Variants in ADCK2 observed in about 807,000 individuals in gnomAD.
ADCK2 encodes the protein aarF domain containing kinase 2, also known as uncharacterized aarF domain-containing protein kinase 2.
ADCK2 carries 37 observed loss-of-function variants against 52.3 expected under a neutral mutation model. The observed-to-expected ratio is 0.71, with a 90% CI of 0.54 to 0.93. The LOEUF (loss-of-function observed/expected upper bound fraction) is 0.93. ADCK2 is among the 40% of genes least tolerant of loss of function. The pLI is 0.00. For missense variants in ADCK2, 695 were observed against 798.7 expected, an observed-to-expected ratio of 0.87 and a Z score of 1.56; for synonymous variants, 321 against 349.2, an observed-to-expected ratio of 0.92 and a Z score of 0.90.
At chr7:140,685,689 C>T (rs1450708067) in intron 4 of ADCK2, among the ~76,000 whole-genome samples, 3 of 152,100 alleles carry the variant, frequency 2.0e-5, no homozygotes, top group Non-Finnish European at 2.9e-5. Context: ...GGTCTATGGC[C>T]TGGATTTACA....
In ADCK2 at chr7:140,679,329, G is replaced by A. The variant is rs150738481; in HGVS notation, c.1209+46G>A. ...TGGCCATACCTTTCACTTGCCACTC[G>A]CAGTGGGCCCGTCTCCAGCCCACAG... is the stretch of plus-strand genomic sequence containing the variant. On this transcript the variant is annotated intron_variant, in intron 3 of 7. Transcript: ENST00000072869. The A allele has an allele frequency of 6.3e-3, 10,203 of 1,607,518 alleles. 466 individuals are homozygous for A. In the Admixed American group the frequency reaches 0.11, roughly 17 times the overall value.
At position 140,681,627 on chromosome 7, in the gene ADCK2, T is replaced by C. The variant is rs557946147; in HGVS notation, c.1305+490T>C. 1.1e-3 allele frequency among the ~76,000 whole-genome samples: 163 copies of C among 151,830 alleles called. 1 individual carries two copies. Among genetic ancestry groups the C allele is most frequent in the Admixed American group, 2.2e-3 (34 of 15,222 alleles). The stretch of plus-strand genomic sequence containing the variant: ...GAACCACCACACCCGGCCTTTTTTT[T>C]CCTTTTTTAAGATAGGGTCTCACTC... On this transcript the variant is annotated intron_variant, in intron 4 of 7. Transcript: ENST00000072869.
intron 2 of ADCK2, among the ~76,000 whole-genome samples, chr7:140,675,967 C>A (rs1206981098): frequency 6.6e-6 from 1 of 152,208 alleles, no homozygotes; most frequent in South Asian, 2.1e-4. Context: ...TTTTCAGAAG[C>A]AACCTGCCGA....
chr7:140,676,275 A>C (rs1427643114), intron 2 of ADCK2, among the ~76,000 whole-genome samples: 1 of 152,122 alleles, frequency 6.6e-6, no homozygotes, highest in Non-Finnish European at 1.5e-5. Context: ...TCATTCATGC[A>C]GGCTCTGCTC....
At chr7:140,675,819 G>T (rs1047419170) in intron 2 of ADCK2, among the ~76,000 whole-genome samples, 1 of 152,220 alleles carries the variant, frequency 6.6e-6, no homozygotes, top group African/African-American at 2.4e-5. Flanking sequence ...GGGCAATTGA[G>T]TCAACAAGGA....
At chr7:140,685,377 G>A (rs1200364063) in intron 4 of ADCK2, among the ~76,000 whole-genome samples, 1 of 151,676 alleles carries the variant, frequency 6.6e-6, no homozygotes, top group African/African-American at 2.4e-5. Flanking sequence ...TTGAACCCAA[G>A]AAGTGGAGGT....
Position 140,674,576 on chromosome 7 carries a change from G to T in ADCK2, c.934-35G>T. 6.3e-7 allele frequency: 1 copy of T among 1,595,288 alleles called. No individual in the cohort carries two copies. On this transcript the variant is annotated intron_variant, in intron 1 of 7. Coordinates refer to ENST00000072869, the MANE Select transcript of ADCK2 (RefSeq NM_052853.4). This position sits in a 1 kb window ranked among gnomAD's most constrained non-coding sequence, Gnocchi z 4.6. ...CTGGCTGGGTAAAATGTGTCCAGCAGGTTTCTCCTGTCTCACGGTTCCTCT... is the reference window on the plus strand; with the variant it reads ...CTGGCTGGGTAAAATGTGTCCAGCATGTTTCTCCTGTCTCACGGTTCCTCT...
In ADCK2 at chr7:140,679,185, G is replaced by C; in HGVS notation, c.1111G>C (p.Glu371Gln). ...CCTGCGTTACGAAGCTCAGAATCTA[G>C]AACACTTCCAGGTCAACTTCCGGAA... ...IDLRYEAQNL[E>Q]HFQVNFRNVK... The change falls in exon 3 of 8, where the codon GAA (glutamate) becomes CAA (glutamine). Residue 371 changes from glutamate to glutamine, a missense_variant. Transcript: ENST00000072869. The C allele has an allele frequency of 1.2e-6, 2 of 1,614,110 alleles. No homozygotes were observed. Among genetic ancestry groups the C allele is most frequent in the Non-Finnish European group, 1.7e-6 (2 of 1,180,014 alleles).
At chr7:140,676,165 T>C (rs1331758003) in intron 2 of ADCK2, among the ~76,000 whole-genome samples, 1 of 152,204 alleles carries the variant, frequency 6.6e-6, no homozygotes, top group Non-Finnish European at 1.5e-5. Context: ...CGATGTCTGG[T>C]GAGGCCCCAC....
chr7:140,679,043 G>C, intron 2 of ADCK2, 112 bp from the exon 3 acceptor site: 1 of 1,395,300 alleles, frequency 7.2e-7, no homozygotes, highest in Non-Finnish European at 9.9e-7. Context: ...TGCGGGGCAA[G>C]CTGGTGGGGA....
At chr7:140,690,862 G>T in intron 7 of ADCK2, 49 bp downstream of exon 7, 1 of 1,516,584 alleles carries the variant, frequency 6.6e-7, no homozygotes. Context: ...GGACGGGGCA[G>T]GGAGGAATGG....
chr7:140,691,688 G>T (rs1794705165), intron 7 of ADCK2, among the ~76,000 whole-genome samples: 1 of 152,226 alleles, frequency 6.6e-6, no homozygotes, highest in South Asian at 2.1e-4. Context: ...AAGCAGTGTT[G>T]AAGGTGGAGA....
chr7:140,674,632 G>A lies in ADCK2; in HGVS notation c.955G>A (p.Ala319Thr), dbSNP rs1179845448. The change falls in exon 2 of 8, where the codon GCT (alanine) becomes ACT (threonine). Residue 319 changes from alanine (A) to threonine (T), a missense_variant. Physicochemically the swap from Ala to Thr is moderately conservative, Grantham distance 58. Transcript: ENST00000072869. The surrounding 1 kb of genome is among the most constrained non-coding windows in gnomAD (Gnocchi z 4.6). ...AVKVLHPGLLAQVHMDLLLMK... is the reference protein window; with the variant it reads ...AVKVLHPGLLTQVHMDLLLMK... The stretch of plus-strand genomic sequence containing the variant: ...ACAGGTGTTGCACCCTGGCCTGCTC[G>A]CTCAGGTGCATATGGACCTGCTGCT... 4.3e-6 allele frequency: 7 copies of A among 1,613,726 alleles called. No homozygotes were observed. The highest frequency in any genetic ancestry group is 2.7e-5 in the African/African-American group (2 of 75,002).
Position 140,674,270 on chromosome 7 carries a change from G to C in ADCK2, c.933+7G>C, listed in dbSNP as rs1432514027. On this transcript the variant is annotated splice_region_variant and intron_variant, in intron 1 of 7. Transcript: ENST00000072869. The surrounding 1 kb of genome is among the most constrained non-coding windows in gnomAD (Gnocchi z 4.6). ...CATCTCCGTGGCAGTGAAAGTAAGT[G>C]TTGTGAGAGCTCACAGCTCACCTAC... 6.2e-7 allele frequency: 1 copy of C among 1,605,600 alleles called. No individual in the cohort carries two copies. The highest frequency in any genetic ancestry group is 8.5e-7 in the Non-Finnish European group (1 of 1,175,374).
At chr7:140,684,845 G>C (rs1794578835) in intron 4 of ADCK2, among the ~76,000 whole-genome samples, 1 of 152,146 alleles carries the variant, frequency 6.6e-6, no homozygotes. Context: ...AAGCAGGATT[G>C]TTGAGGCACA....
intron 2 of ADCK2, among the ~76,000 whole-genome samples, chr7:140,675,949 T>C (rs1794406181): frequency 6.6e-6 from 1 of 152,152 alleles, no homozygotes; most frequent in Admixed American, 6.5e-5. Context: ...AGTGCAGGAA[T>C]TGGGAGGTTT....
intron 2 of ADCK2, among the ~76,000 whole-genome samples, chr7:140,675,569 A>G (rs1794389211): frequency 6.6e-6 from 1 of 152,186 alleles, no homozygotes; most frequent in Non-Finnish European, 1.5e-5. Flanking sequence ...AGGGTCATGT[A>G]ATAAATTTTG....
At position 140,678,215 on chromosome 7, in the gene ADCK2, T is replaced by C. The variant is rs183352052; in HGVS notation, c.1081-940T>C. 6.6e-6 allele frequency among the ~76,000 whole-genome samples: 1 copy of C among 152,132 alleles called. No individual in the cohort carries two copies. The highest frequency in any genetic ancestry group is 1.9e-4 in the East Asian group (1 of 5,164). On this transcript the variant is annotated intron_variant, in intron 2 of 7. Transcript: ENST00000072869. The surrounding 1 kb of genome is among the most constrained non-coding windows in gnomAD (Gnocchi z 4.9). ...CGGTGAGGCTGCAAACTTGATGGCA[T>C]TGGGCCATTGCTGTGCACGGAGGGG...
rs763172314 is a variant in ADCK2, at chr7:140,689,742, C to A, written c.1686+17C>A. On this transcript the variant is annotated intron_variant, in intron 6 of 7. Coordinates refer to ENST00000072869, the MANE Select transcript of ADCK2 (RefSeq NM_052853.4). ...CTGGAGAAGGTGGGCAGGTCACTTG[C>A]GGAACAGGGGCTGGGGAGTCCATAC... 1 of 1,603,428 alleles carries A rather than the reference C, an allele frequency of 6.2e-7. No homozygotes were observed. The highest frequency in any genetic ancestry group is 8.5e-7 in the Non-Finnish European group (1 of 1,174,006).
Sources: allele counts gnomAD v4.1 joint callset (sites outside exome capture counted in the v4.1 genomes callset), GRCh38; gene constraint gnomAD v4.1.1; non-coding constraint Gnocchi (gnomAD v3.1); transcripts MANE v1.5; gene names NCBI Gene and HGNC (gene_info 2026-07-23, HGNC 2026-07-21).